The following SPTLC2 variants were observed in gnomAD, a reference collection of about 807,000 sequenced individuals.
SPTLC2 encodes serine palmitoyltransferase long chain base subunit 2.
SPTLC2 carries 21 observed loss-of-function variants against 62.0 expected under a neutral mutation model. The ratio of observed to expected loss-of-function variants is 0.34; its 90% CI spans 0.24 to 0.49. The LOEUF (loss-of-function observed/expected upper bound fraction) is 0.49. SPTLC2 is among the 20% of genes least tolerant of loss of function. SPTLC2 has a pLI of 0.99. For missense variants in SPTLC2, 511 were observed against 713.0 expected (o/e 0.72, Z 3.23); for synonymous variants, 261 against 261.8 (o/e 1.00, Z 0.03).
intron 1 of SPTLC2, among the ~76,000 whole-genome samples, chr14:77,615,950 G>T (rs531223247): frequency 3.9e-5 from 6 of 152,334 alleles, no homozygotes; most frequent in African/African-American, 1.4e-4. Flanking sequence ...AGTCCAGAAT[G>T]TGGTTGGGAG....
At position 77,510,478 on chromosome 14, in the gene SPTLC2, G is replaced by A. The variant is rs566683022; in HGVS notation, c.*1806C>T. On this transcript the variant is annotated 3_prime_UTR_variant, in exon 12 of 12. Coordinates refer to ENST00000216484, the MANE Select transcript of SPTLC2 (RefSeq NM_004863.4). Reference sequence around the variant, plus strand: ...TTTCAAAAACTTAAATGTGTAACATGACTTTTTTTTTTGAGACACAGTTTT... The same window carrying A: ...TTTCAAAAACTTAAATGTGTAACATAACTTTTTTTTTTGAGACACAGTTTT... 1 of 152,106 alleles carries A rather than the reference G, an allele frequency of 6.6e-6. No homozygotes were observed. Among genetic ancestry groups the A allele is most frequent in the Non-Finnish European group, 1.5e-5 (1 of 68,018 alleles). 9.4% of individuals were successfully genotyped at this position (152,106 alleles called of 1,614,324 possible).
rs770587882 is a variant in SPTLC2, at chr14:77,546,420, A to C, written c.1303+5676T>G. 3.5e-4 allele frequency among the ~76,000 whole-genome samples: 54 copies of C among 152,244 alleles called. 1 individual carries two copies. Among genetic ancestry groups the C allele is most frequent in the Non-Finnish European group, 7.3e-5 (5 of 68,040 alleles). ...TTTATATAGAAAGTTATTATATAAGAAATCTAAAATATGAGTTTGCTTCAA... is the reference window on the plus strand; with the variant it reads ...TTTATATAGAAAGTTATTATATAAGCAATCTAAAATATGAGTTTGCTTCAA... On this transcript the variant is annotated intron_variant, in intron 9 of 11. Transcript: ENST00000216484.
chr14:77,578,995 T>C lies in SPTLC2; in HGVS notation c.442A>G (p.Ile148Val). ...ICSVPGARVDIMERQSHDYNW... is the reference protein window; with the variant it reads ...ICSVPGARVDVMERQSHDYNW... ...TAATCATGAGACTGTCTCTCCATGA[T>C]GTCCACCCTGGCTCCAGGCACACTA... The change falls in exon 3 of 12, where the codon ATC becomes GTC. Residue 148 changes from isoleucine (I) to valine (V), a missense_variant. Ile to Val is a conservative substitution (Grantham distance 29). Transcript: ENST00000216484. 2 of 1,614,140 alleles carry C rather than the reference T, an allele frequency of 1.2e-6. No homozygotes were observed. The highest frequency in any genetic ancestry group is 1.1e-5 in the South Asian group (1 of 91,078).
intron 7 of SPTLC2, 136 bp from the exon 8 acceptor site, chr14:77,555,655 G>T: frequency 1.1e-6 from 1 of 900,120 alleles, no homozygotes; most frequent in South Asian, 1.5e-5. Flanking sequence ...TTGCTCCATT[G>T]TCCAGGCTGA....
chr14:77,550,984 C>T (rs1172738718), intron 9 of SPTLC2, among the ~76,000 whole-genome samples: 4 of 151,322 alleles, frequency 2.6e-5, no homozygotes, highest in South Asian at 2.1e-4. Flanking sequence ...CCACTTTATT[C>T]GATGCAAGCC....
At chr14:77,615,569 T>C (rs2079962030) in intron 1 of SPTLC2, among the ~76,000 whole-genome samples, 1 of 152,258 alleles carries the variant, frequency 6.6e-6, no homozygotes. Flanking sequence ...ATCTTGCATC[T>C]TTTTAACCAG....
chr14:77,570,380 T>A lies in SPTLC2; in HGVS notation c.756+4A>T. 6.2e-7 allele frequency: 1 copy of A among 1,612,858 alleles called. No homozygotes were observed. Among genetic ancestry groups the A allele is most frequent in the Non-Finnish European group, 8.5e-7 (1 of 1,179,930 alleles). ...GAGTTTTCATAAATGACAGAGTATC[T>A]TACTTTGCCAACAAGAGCAGGAATG... On this transcript the variant is annotated splice_donor_region_variant and intron_variant, in intron 5 of 11. Transcript: ENST00000216484.
chr14:77,552,085 G>T lies in SPTLC2; in HGVS notation c.1303+11C>A. ...GGACTTATGCAATGTTTCAAGAAAA[G>T]AAAGACTTACCAAGGCTGGTGCCAT... On this transcript the variant is annotated intron_variant, in intron 9 of 11. Transcript: ENST00000216484. 3 of 1,613,802 alleles carry T rather than the reference G, an allele frequency of 1.9e-6. No individual in the cohort carries two copies. In the South Asian group the frequency reaches 3.3e-5, roughly 18 times the overall value.
rs747649289 is a variant in SPTLC2, at chr14:77,555,417, G to A, written c.1059C>T (p.Gly353=). 5.6e-6 allele frequency: 9 copies of A among 1,614,026 alleles called. No homozygotes were observed. The highest frequency in any genetic ancestry group is 7.6e-6 in the Non-Finnish European group (9 of 1,180,040). The change falls in exon 8 of 12, where the codon GGC becomes GGT. Residue 353 remains glycine (G), a synonymous_variant. Coordinates refer to ENST00000216484, the MANE Select transcript of SPTLC2 (RefSeq NM_004863.4). ...ACTCCACCACACCCCGGCCTGTGGGGCCCAGGGCGCCAATGCTGTGAGCCT... is the reference window on the plus strand; with the variant it reads ...ACTCCACCACACCCCGGCCTGTGGGACCCAGGGCGCCAATGCTGTGAGCCT... ...LDEAHSIGAL[G]PTGRGVVEYF...
rs1190713237 is a variant in SPTLC2 at position 77,513,016 on chromosome 14, C to CTTTTTTTTTTTTTTTTT, written c.1570-630_1570-614dup. On this transcript the variant is annotated intron_variant, in intron 11 of 11. Transcript: ENST00000216484. ...AGGCGTAAGCCAACGAACCCAGCAA[C>CTTTTTTTTTTTTTTTTT]TTTTTTTTTTTTTTTTTTTTTTTTT... Among the ~76,000 whole-genome samples, 15 of 62,828 alleles carry CTTTTTTTTTTTTTTTTT rather than the reference C, an allele frequency of 2.4e-4. 3 individuals carry two copies. Among genetic ancestry groups the CTTTTTTTTTTTTTTTTT allele is most frequent in the Non-Finnish European group, 2.2e-4 (8 of 36,982 alleles). The allele number at this position is 62,828 out of a possible 152,430, so 41.2% of individuals were successfully genotyped here. A position where few individuals can be genotyped will look rare whatever the true frequency, so the allele number is the denominator to read the frequency against.
intron 2 of SPTLC2, among the ~76,000 whole-genome samples, chr14:77,589,757 T>C (rs1421714159): frequency 1.3e-5 from 2 of 151,178 alleles, no homozygotes; most frequent in Non-Finnish European, 2.9e-5. Flanking sequence ...GCCATTGCAC[T>C]CCATCCTGGG....
At chr14:77,573,694 C>A (rs1037036844) in intron 4 of SPTLC2, among the ~76,000 whole-genome samples, 6 of 151,272 alleles carry the variant, frequency 4.0e-5, no homozygotes, top group African/African-American at 1.5e-4. Flanking sequence ...GTGGTGTGAT[C>A]TCGGCTCACT....
intron 2 of SPTLC2, among the ~76,000 whole-genome samples, chr14:77,582,076 A>G (rs542511172): frequency 6.6e-6 from 1 of 151,688 alleles, no homozygotes; most frequent in Non-Finnish European, 1.5e-5. Context: ...TTTTTGAGAC[A>G]GAGTCTCACT....
At chr14:77,527,669 A>G (rs1464403575) in intron 9 of SPTLC2, among the ~76,000 whole-genome samples, 1 of 152,140 alleles carries the variant, frequency 6.6e-6, no homozygotes, top group African/African-American at 2.4e-5. Flanking sequence ...TAAACTCCAT[A>G]AGCCCTCCTA....
At chr14:77,515,283 G>C (rs903039335) in intron 11 of SPTLC2, among the ~76,000 whole-genome samples, 1 of 152,090 alleles carries the variant, frequency 6.6e-6, no homozygotes, top group African/African-American at 2.4e-5. Context: ...TTGAGGATCA[G>C]CCTTTTAATT....
In SPTLC2 at chr14:77,509,909, G is replaced by A. The variant is rs147416393; in HGVS notation, c.*2375C>T. 2.1e-3 allele frequency: 843 copies of A among 398,354 alleles called. 7 individuals carry two copies. The highest frequency in any genetic ancestry group is 0.016 in the African/African-American group (773 of 48,702). The allele number at this position is 398,354 out of a possible 1,614,324, so 24.7% of individuals were successfully genotyped here. A position where few individuals can be genotyped will look rare whatever the true frequency, so the allele number is the denominator to read the frequency against. On this transcript the variant is annotated 3_prime_UTR_variant, in exon 12 of 12. Coordinates refer to ENST00000216484, the MANE Select transcript of SPTLC2 (RefSeq NM_004863.4). Reference sequence around the variant, plus strand: ...TGATATAGATATATTTTAAATGCCGGTACTGACATTTGAATTTGCAGTGAC... The same window carrying A: ...TGATATAGATATATTTTAAATGCCGATACTGACATTTGAATTTGCAGTGAC...
At chr14:77,570,262 A>ATAT in intron 5 of SPTLC2, 122 bp downstream of exon 5, 1 of 1,313,648 alleles carries the variant, frequency 7.6e-7, no homozygotes. Context: ...TGTGGTAGAA[A>ATAT]TATCTTTGGC....
chr14:77,555,571 A>C (rs1479707904), intron 7 of SPTLC2, 52 bp from the exon 8 acceptor site: 1 of 1,559,412 alleles, frequency 6.4e-7, no homozygotes. Context: ...GAGACTTTTT[A>C]AATCAAAATT....
intron 8 of SPTLC2, among the ~76,000 whole-genome samples, chr14:77,553,503 G>A (rs767809218): frequency 5.9e-5 from 9 of 151,868 alleles, no homozygotes; most frequent in African/African-American, 9.7e-5. Context: ...AGGCCGAGGC[G>A]GGCAGATCAC....
Sources: allele counts gnomAD v4.1 joint callset (sites outside exome capture counted in the v4.1 genomes callset), GRCh38; gene constraint gnomAD v4.1.1; transcripts MANE v1.5; gene names NCBI Gene and HGNC (gene_info 2026-07-23, HGNC 2026-07-21).